FMO1: variants seen among roughly 807,000 people sequenced by gnomAD.
FMO1 encodes flavin-containing monooxygenase 1.
In FMO1, 36 loss-of-function variants were observed where a neutral mutation model predicts 45.4. That is an observed-to-expected ratio of 0.79 (90% confidence interval 0.61 to 1.05). The LOEUF is 1.05. Ranked by LOEUF, FMO1 falls within the 50% of genes least tolerant of loss-of-function variation. The probability of loss-of-function intolerance (pLI) is 0.00; values close to 1 mark genes in which losing one functional copy is unlikely to be tolerated. For missense variants in FMO1, 615 were observed against 640.3 expected, an observed-to-expected ratio of 0.96 and a Z score of 0.43; for synonymous variants, 228 against 227.2, an observed-to-expected ratio of 1.00 and a Z score of -0.03.
At chr1:171,271,513 C>G (rs751222806) in intron 3 of FMO1, 5 of 891,328 alleles carry the variant, frequency 5.6e-6, no homozygotes, top group Non-Finnish European at 9.4e-6. Flanking sequence ...TTCTTATGCT[C>G]TTCCCGACAA....
In FMO1 at chr1:171,255,882, T is replaced by A. The variant is rs558427826; in HGVS notation, c.-6-2200T>A. 1.6e-4 allele frequency among the ~76,000 whole-genome samples: 24 copies of A among 152,330 alleles called. 1 individual carries two copies. In the East Asian group the frequency reaches 3.9e-3, roughly 24 times the overall value. On this transcript the variant is annotated intron_variant, in intron 1 of 8. Transcript: ENST00000617670. ...ATGCTTCTGTGCACAACTGCCAATA[T>A]CATATGTATATATGCAATACTCTTT...
At chr1:171,270,935 A>G in intron 3 of FMO1, 1 of 812,466 alleles carries the variant, frequency 1.2e-6, no homozygotes. Context: ...CGAGAAAAAA[A>G]ACCGCTAGAA....
chr1:171,258,647 C>T (rs1325709265), intron 2 of FMO1, among the ~76,000 whole-genome samples: 1 of 152,192 alleles, frequency 6.6e-6, no homozygotes, highest in Non-Finnish European at 1.5e-5. Flanking sequence ...CAGCCTGGCT[C>T]CGTCTGCATT....
In FMO1 at chr1:171,268,931, C is replaced by T. The variant is rs28360389; in HGVS notation, c.321+1200C>T. Reference sequence around the variant, plus strand: ...GGGCAGGTCTTTCCCATGCTGTTCTCCTGATAGTGAATAAGTCTCATGAGA... The same window carrying T: ...GGGCAGGTCTTTCCCATGCTGTTCTTCTGATAGTGAATAAGTCTCATGAGA... On this transcript the variant is annotated intron_variant, in intron 3 of 8. Transcript: ENST00000617670. Among the ~76,000 whole-genome samples, 273 of 152,294 alleles carry T rather than the reference C, an allele frequency of 1.8e-3. 1 individual carries two copies. Among genetic ancestry groups the T allele is most frequent in the Middle Eastern group, 3.4e-3 (1 of 294 alleles).
intron 1 of FMO1, among the ~76,000 whole-genome samples, chr1:171,253,307 AC>A (rs1469071560): frequency 6.6e-6 from 1 of 152,132 alleles, no homozygotes; most frequent in Non-Finnish European, 1.5e-5. Flanking sequence ...TCATAAATAA[AC>A]CTGAAATTTT....
At position 171,285,247 on chromosome 1, in the gene FMO1, A is replaced by C. The variant is rs779930151; in HGVS notation, c.1302A>C (p.Thr434=). 3 of 1,613,526 alleles carry C rather than the reference A, an allele frequency of 1.9e-6. No homozygotes were observed. The African/African-American group carries it at 4.0e-5, about 22-fold the overall frequency. ...YCKALQSDYI[T]YIDELLTYIN... is the part of the protein sequence containing the mutation. ...AGGCTTTACAATCAGATTATATCAC[A>C]TACATAGATGAACTCCTGACCTATA... The change falls in exon 9 of 9, where the codon ACA becomes ACC. Residue 434 remains threonine (T), a synonymous_variant. Coordinates refer to ENST00000617670, the MANE Select transcript of FMO1 (RefSeq NM_001282693.2).
chr1:171,251,919 C>T (rs1221054448), intron 1 of FMO1: 1 of 152,008 alleles, frequency 6.6e-6, no homozygotes, highest in African/African-American at 2.4e-5. Flanking sequence ...AGCGCTGCCG[C>T]ATATGCACAT....
At chr1:171,260,580 C>T (rs1660334735) in intron 2 of FMO1, among the ~76,000 whole-genome samples, 1 of 152,072 alleles carries the variant, frequency 6.6e-6, no homozygotes, top group Non-Finnish European at 1.5e-5. Context: ...GAAAATATGG[C>T]ACCTGCAAGG....
At chr1:171,275,598 C>A in intron 4 of FMO1, 90 bp downstream of exon 4, 1 of 903,868 alleles carries the variant, frequency 1.1e-6, no homozygotes, top group Non-Finnish European at 1.6e-6. Flanking sequence ...TATGGCTGTT[C>A]CATTAAATAG....
At chr1:171,263,288 T>A (rs1660451488) in intron 2 of FMO1, among the ~76,000 whole-genome samples, 1 of 152,198 alleles carries the variant, frequency 6.6e-6, no homozygotes, top group Non-Finnish European at 1.5e-5. Context: ...CAATTTCTCC[T>A]AGGGGCTATG....
In FMO1 at chr1:171,285,802, A is replaced by G; in HGVS notation, c.*258A>G. ...AAGTTACAGGTTCATTTTAGAAAGA[A>G]AGCTGTTCTTGACAGCACTCTGAGC... On this transcript the variant is annotated 3_prime_UTR_variant, in exon 9 of 9. Coordinates refer to ENST00000617670, the MANE Select transcript of FMO1 (RefSeq NM_001282693.2). The G allele has an allele frequency of 3.2e-6, 1 of 316,440 alleles. No individual in the cohort carries two copies. The highest frequency in any genetic ancestry group is 5.7e-6 in the Non-Finnish European group (1 of 175,514). 19.6% of individuals were successfully genotyped at this position (316,440 alleles called of 1,614,324 possible). A position where few individuals can be genotyped will look rare whatever the true frequency, so the allele number is the denominator to read the frequency against.
At chr1:171,279,981 C>T (rs977654448) in intron 5 of FMO1, among the ~76,000 whole-genome samples, 9 of 152,156 alleles carry the variant, frequency 5.9e-5, no homozygotes, top group East Asian at 3.9e-4. Flanking sequence ...CACTCCAACA[C>T]GAAGTGATCT....
intron 1 of FMO1, among the ~76,000 whole-genome samples, chr1:171,254,884 A>G (rs1239291185): frequency 6.6e-6 from 1 of 152,226 alleles, no homozygotes; most frequent in African/African-American, 2.4e-5. Context: ...TGCAATTTGT[A>G]CATAAGACAT....
At chr1:171,275,575 G>T in intron 4 of FMO1, 67 bp downstream of exon 4, 1 of 1,157,876 alleles carries the variant, frequency 8.6e-7, no homozygotes. Flanking sequence ...TGATTGGTCT[G>T]GGAATGAATT....
chr1:171,249,177 T>G lies in FMO1; in HGVS notation c.-7+554T>G, dbSNP rs559716914. On this transcript the variant is annotated intron_variant, in intron 1 of 8. Transcript: ENST00000617670. The stretch of plus-strand genomic sequence containing the variant: ...TTCATTCTATGTATTATGTCAAAAT[T>G]TATTGATTTCCATGTGATTGGCACA... 2.0e-5 allele frequency among the ~76,000 whole-genome samples: 3 copies of G among 152,206 alleles called. No homozygotes were observed. In the South Asian group the frequency reaches 6.2e-4, roughly 32 times the overall value.
At chr1:171,258,444 G>T (rs1183709412) in intron 2 of FMO1, among the ~76,000 whole-genome samples, 1 of 152,206 alleles carries the variant, frequency 6.6e-6, no homozygotes, top group Admixed American at 6.5e-5. Flanking sequence ...GAGCCAAGGG[G>T]AAGAAGTGTT....
chr1:171,267,598 G>A lies in FMO1; in HGVS notation c.188G>A (p.Cys63Tyr). ...TACAAGTCTGTGGTTTCCAACAGCT[G>A]CAAGGAGATGTCTTGTTACTCAGAC... ...SLYKSVVSNS[C>Y]KEMSCYSDFP... The change falls in exon 3 of 9, where the codon TGC (cysteine) becomes TAC (tyrosine). Residue 63 changes from cysteine (C) to tyrosine (Y), a missense_variant. Cys to Tyr is a radical substitution (Grantham distance 194, BLOSUM62 -2). Transcript: ENST00000617670. The A allele has an allele frequency of 6.2e-7, 1 of 1,613,826 alleles. No individual in the cohort carries two copies. Among genetic ancestry groups the A allele is most frequent in the South Asian group, 1.1e-5 (1 of 91,030 alleles).
At chr1:171,274,474 G>A (rs1661019922) in intron 3 of FMO1, among the ~76,000 whole-genome samples, 1 of 151,644 alleles carries the variant, frequency 6.6e-6, no homozygotes, top group Admixed American at 6.6e-5. Context: ...ATGTTGCCCA[G>A]GCTACATATT....
intron 2 of FMO1, among the ~76,000 whole-genome samples, chr1:171,262,303 C>T (rs753281388): frequency 7.9e-5 from 12 of 152,144 alleles, no homozygotes; most frequent in Non-Finnish European, 1.6e-4. Context: ...GGCATGGTGG[C>T]GTGCGCCTGT....
Sources: allele counts gnomAD v4.1 joint callset (sites outside exome capture counted in the v4.1 genomes callset), GRCh38; gene constraint gnomAD v4.1.1; transcripts MANE v1.5; gene names NCBI Gene and HGNC (gene_info 2026-07-23, HGNC 2026-07-21).